Variants in ARSG observed in about 807,000 individuals in gnomAD.
ARSG encodes ASG.
A neutral mutation model predicts 50.5 loss-of-function variants in ARSG; 37 were observed. The observed-to-expected ratio is 0.73, with a 90% confidence interval of 0.56 to 0.96. The LOEUF is 0.96. Among genes scored for constraint, ARSG ranks in the 50% least tolerant of loss-of-function variants. ARSG has a pLI of 0.00. For missense variants in ARSG, 629 were observed against 675.3 expected, an observed-to-expected ratio of 0.93 and a Z score of 0.76; for synonymous variants, 225 against 254.6, an observed-to-expected ratio of 0.88 and a Z score of 1.11.
At chr17:68,442,210 T>A in the ARSG span, among the ~76,000 whole-genome samples, 1 of 152,164 alleles carries the variant, frequency 6.6e-6, no homozygotes, top group Non-Finnish European at 1.5e-5. Context: ...ATGCCTATAA[T>A]TCCAGCACTT....
upstream of ARSG, among the ~76,000 whole-genome samples, chr17:68,290,422 G>C (rs1244482955): frequency 5.9e-5 from 9 of 152,258 alleles, no homozygotes; most frequent in Non-Finnish European, 1.2e-4. Flanking sequence ...GGCGACACCA[G>C]CGCTTTCCTG....
chr17:68,312,881 G>C (rs559849346), intron 2 of ARSG, among the ~76,000 whole-genome samples: 1 of 152,148 alleles, frequency 6.6e-6, no homozygotes, highest in Non-Finnish European at 1.5e-5. Context: ...AAGCCACCAC[G>C]CCCGGTTCTG....
In ARSG at chr17:68,321,846, A is replaced by C. The variant is rs555365761; in HGVS notation, c.218+14135A>C. On this transcript the variant is annotated intron_variant, in intron 2 of 11. Transcript: ENST00000621439. ...TTTCAGACTTTAATTAGGACCCCTGATGATGAACTGGCCTGAGCCTGCCCA... is the reference window on the plus strand; with the variant it reads ...TTTCAGACTTTAATTAGGACCCCTGCTGATGAACTGGCCTGAGCCTGCCCA... Among the ~76,000 whole-genome samples, 8 of 152,338 alleles carry C rather than the reference A, an allele frequency of 5.3e-5. No individual in the cohort carries two copies. In the South Asian group the frequency reaches 1.7e-3, roughly 32 times the overall value.
intron 2 of ARSG, among the ~76,000 whole-genome samples, chr17:68,337,960 A>G (rs2078100143): frequency 6.6e-6 from 1 of 152,126 alleles, no homozygotes; most frequent in Admixed American, 6.6e-5. Context: ...CTAGAATCCC[A>G]GCACCGCTCG....
chr17:68,368,260 C>G (rs992685201), intron 6 of ARSG, among the ~76,000 whole-genome samples: 1 of 152,204 alleles, frequency 6.6e-6, no homozygotes, highest in Non-Finnish European at 1.5e-5. Context: ...GATTCTTCAT[C>G]TGAAAAACGG....
intron 11 of ARSG, among the ~76,000 whole-genome samples, chr17:68,415,646 G>A (rs1353895848): frequency 6.6e-6 from 1 of 152,108 alleles, no homozygotes; most frequent in Non-Finnish European, 1.5e-5. Flanking sequence ...TTATTGTGTT[G>A]CCGTCTATCT....
intron 9 of ARSG, among the ~76,000 whole-genome samples, chr17:68,393,854 C>T (rs1040779939): frequency 1.6e-5 from 2 of 127,844 alleles, no homozygotes; most frequent in African/African-American, 6.7e-5. Flanking sequence ...GGCAACAGAA[C>T]AAGACTCCAT....
the ARSG span, among the ~76,000 whole-genome samples, chr17:68,443,464 T>C: frequency 0.79 from 120,021 of 152,158 alleles, 47,572 homozygotes; most frequent in African/African-American, 0.85. Context: ...GTGAAAGCAC[T>C]GAAATCAACA....
chr17:68,276,597 T>C (rs1276577089), intron 1 of ARSG, among the ~76,000 whole-genome samples: 1 of 152,074 alleles, frequency 6.6e-6, no homozygotes, highest in African/African-American at 2.4e-5. Flanking sequence ...CACAGGTGTG[T>C]ACCACCATGC....
chr17:68,438,886 C>T, the ARSG span, among the ~76,000 whole-genome samples: 23 of 152,244 alleles, frequency 1.5e-4, no homozygotes, highest in Non-Finnish European at 2.9e-4. Flanking sequence ...AGGCGTGAGC[C>T]ATCGTGCCTG....
At chr17:68,444,518 G>A in the ARSG span, 1 of 1,614,000 alleles carries the variant, frequency 6.2e-7, no homozygotes, top group South Asian at 1.1e-5. Flanking sequence ...GAATATCCAG[G>A]AGGGTCTTCA....
intron 1 of ARSG, among the ~76,000 whole-genome samples, chr17:68,280,829 A>G (rs1358808032): frequency 6.6e-6 from 1 of 152,204 alleles, no homozygotes; most frequent in African/African-American, 2.4e-5. Flanking sequence ...CAAAGGAAAC[A>G]TATCAACAGA....
chr17:68,444,350 A>T, the ARSG span: 1 of 721,570 alleles, frequency 1.4e-6, no homozygotes, highest in South Asian at 1.7e-5. Context: ...TGCCGCCATT[A>T]AGACAAAGCT....
intron 11 of ARSG, among the ~76,000 whole-genome samples, chr17:68,412,471 A>G (rs796879654): frequency 6.6e-6 from 1 of 152,120 alleles, no homozygotes; most frequent in African/African-American, 2.4e-5. Context: ...TGGCTTGTAG[A>G]GTTTCTGCCG....
intron 6 of ARSG, among the ~76,000 whole-genome samples, chr17:68,365,344 A>G (rs1218048062): frequency 6.6e-6 from 1 of 152,178 alleles, no homozygotes; most frequent in Non-Finnish European, 1.5e-5. Flanking sequence ...ATAAGCTACC[A>G]TTTATTAGAT....
intron 2 of ARSG, among the ~76,000 whole-genome samples, chr17:68,340,632 G>C (rs1415385336): frequency 2.0e-5 from 3 of 152,138 alleles, no homozygotes; most frequent in African/African-American, 7.2e-5. Flanking sequence ...GCCAGGAGGA[G>C]CCCCTCGAAG....
At chr17:68,416,623 T>C (rs2082381905) in intron 11 of ARSG, among the ~76,000 whole-genome samples, 1 of 152,212 alleles carries the variant, frequency 6.6e-6, no homozygotes, top group African/African-American at 2.4e-5. Context: ...ATTTGGTCGT[T>C]TAACATAATC....
chr17:68,327,200 G>A (rs2077540763), intron 2 of ARSG, among the ~76,000 whole-genome samples: 1 of 152,054 alleles, frequency 6.6e-6, no homozygotes, highest in Non-Finnish European at 1.5e-5. Context: ...AGTGGGGCGT[G>A]GGGGAGGGAG....
At chr17:68,380,365 C>A (rs2080373905) in intron 8 of ARSG, among the ~76,000 whole-genome samples, 1 of 152,032 alleles carries the variant, frequency 6.6e-6, no homozygotes, top group African/African-American at 2.4e-5. Context: ...CCTCAGCCTC[C>A]CAAGTAACTT....
Sources: allele counts gnomAD v4.1 joint callset (sites outside exome capture counted in the v4.1 genomes callset), GRCh38; gene constraint gnomAD v4.1.1; transcripts MANE v1.5; gene names NCBI Gene and HGNC (gene_info 2026-07-23, HGNC 2026-07-21).